The following DOCK4 variants were observed in gnomAD, a reference collection of about 807,000 sequenced individuals.
DOCK4 encodes the protein dedicator of cytokinesis 4.
Under a neutral mutation model 268.1 loss-of-function variants are expected in DOCK4, and 97 were observed. The observed-to-expected ratio is 0.36, with a 90% confidence interval of 0.31 to 0.43. The LOEUF (loss-of-function observed/expected upper bound fraction) is 0.43. Ranked by LOEUF, DOCK4 falls within the 20% of genes least tolerant of loss-of-function variation. The pLI is 1.00. For synonymous variants in DOCK4, 954 were observed against 887.2 expected (o/e 1.08, Z -1.34); for missense variants, 2,145 against 2,455.7 (o/e 0.87, Z 2.67).
chr7:111,960,888 CA>C (rs537420595), intron 8 of DOCK4, among the ~76,000 whole-genome samples: 81 of 152,218 alleles, frequency 5.3e-4, no homozygotes, highest in African/African-American at 1.8e-3. Context: ...AATAGTATTC[CA>C]AAGTGTATAT....
At chr7:112,129,796 C>T (rs941633792) in intron 1 of DOCK4, among the ~76,000 whole-genome samples, 3 of 152,114 alleles carry the variant, frequency 2.0e-5, no homozygotes, top group African/African-American at 7.2e-5. Context: ...GACAACATTC[C>T]TCCTTTTATG....
chr7:111,862,401 A>G (rs1255229633), intron 23 of DOCK4, among the ~76,000 whole-genome samples: 2 of 133,902 alleles, frequency 1.5e-5, no homozygotes, highest in African/African-American at 2.8e-5. Flanking sequence ...TTACAAGAAA[A>G]TATGTAAAAA....
At chr7:112,024,849 T>C (rs1247449625) in intron 1 of DOCK4, among the ~76,000 whole-genome samples, 1 of 152,230 alleles carries the variant, frequency 6.6e-6, no homozygotes, top group Non-Finnish European at 1.5e-5. Flanking sequence ...GGCCTGTTCT[T>C]GGTTGTGCAT....
chr7:111,739,457 G>A lies in DOCK4; in HGVS notation c.5061C>T (p.Ser1687=). The A allele has an allele frequency of 6.4e-7, 1 of 1,570,064 alleles. No individual in the cohort carries two copies. Residue 1687 remains serine (S), a synonymous_variant, in exon 48 of 53, where the codon AGC becomes AGT. Transcript: ENST00000428084. ...FNMQPSPSTS[S]LSSTHSASPN... Reference sequence around the variant, plus strand: ...GTGAAGCCGAGTGAGTAGAACTCAAGCTTGAGGTAGATGGACTTGGCTGGA... The same window carrying A: ...GTGAAGCCGAGTGAGTAGAACTCAAACTTGAGGTAGATGGACTTGGCTGGA...
At chr7:112,115,632 T>TCCA (rs1462184503) in intron 1 of DOCK4, among the ~76,000 whole-genome samples, 9 of 129,772 alleles carry the variant, frequency 6.9e-5, no homozygotes, top group African/African-American at 1.7e-4. Context: ...AATCCACCCA[T>TCCA]TCATCCATCC....
At position 112,129,736 on chromosome 7, in the gene DOCK4, A is replaced by G. The variant is rs73715473; in HGVS notation, c.37+76366T>C. Among the ~76,000 whole-genome samples, 510 of 152,270 alleles carry G rather than the reference A, an allele frequency of 3.3e-3. 3 individuals are homozygous for G. The highest frequency in any genetic ancestry group is 0.011 in the African/African-American group (476 of 41,544). On this transcript the variant is annotated intron_variant, in intron 1 of 52. Coordinates refer to ENST00000428084, the MANE Select transcript of DOCK4 (RefSeq NM_001363540.2). ...GTAAAAGAAAAAACAAAAGATCCCAAGCAGCTTTTTAGCTCATTCATATGT... is the reference window on the plus strand; with the variant it reads ...GTAAAAGAAAAAACAAAAGATCCCAGGCAGCTTTTTAGCTCATTCATATGT...
chr7:111,837,539 T>A (rs757150255), intron 25 of DOCK4, among the ~76,000 whole-genome samples: 1 of 152,176 alleles, frequency 6.6e-6, no homozygotes, highest in African/African-American at 2.4e-5. Context: ...CTGGAACTAA[T>A]TGAGTTTATT....
intron 52 of DOCK4, 137 bp from the exon 53 acceptor site, chr7:111,728,857 T>A: frequency 1.3e-6 from 1 of 770,436 alleles, no homozygotes; most frequent in Non-Finnish European, 2.0e-6. Flanking sequence ...ATGCAGCCTT[T>A]AAGGAGGTGA....
At chr7:111,890,772 G>T (rs1808224915) in intron 16 of DOCK4, among the ~76,000 whole-genome samples, 1 of 152,154 alleles carries the variant, frequency 6.6e-6, no homozygotes, top group African/African-American at 2.4e-5. Context: ...CCTAAATTAG[G>T]ATACTAATAG....
chr7:111,864,577 T>C (rs1158244665), intron 22 of DOCK4, among the ~76,000 whole-genome samples: 1 of 152,212 alleles, frequency 6.6e-6, no homozygotes, highest in Non-Finnish European at 1.5e-5. Flanking sequence ...AGAATTTTAG[T>C]ATTTATTTAT....
intron 17 of DOCK4, among the ~76,000 whole-genome samples, chr7:111,874,980 AAT>A (rs1352293082): frequency 6.6e-6 from 1 of 152,240 alleles, no homozygotes; most frequent in Non-Finnish European, 1.5e-5. Flanking sequence ...AAGAAAAATG[AAT>A]ACATAGCAAT....
intron 1 of DOCK4, among the ~76,000 whole-genome samples, chr7:112,168,975 A>T (rs1159615170): frequency 6.6e-6 from 1 of 152,272 alleles, no homozygotes; most frequent in South Asian, 2.1e-4. Flanking sequence ...ACTATTTGAT[A>T]TGGTTTGATT....
chr7:111,959,094 G>A (rs916192949), intron 8 of DOCK4, among the ~76,000 whole-genome samples: 1 of 152,146 alleles, frequency 6.6e-6, no homozygotes, highest in Non-Finnish European at 1.5e-5. Flanking sequence ...CAGAAAGCAG[G>A]AGTGCCTTTC....
At chr7:111,868,265 G>T in intron 21 of DOCK4, 111 bp from the exon 22 acceptor site, 1 of 821,502 alleles carries the variant, frequency 1.2e-6, no homozygotes, top group Non-Finnish European at 1.8e-6. Context: ...CATTATTCAT[G>T]TAGACACCAA....
chr7:111,974,285 CAAG>C (rs1294789866), intron 8 of DOCK4, among the ~76,000 whole-genome samples: 1 of 151,890 alleles, frequency 6.6e-6, no homozygotes, highest in Non-Finnish European at 1.5e-5. Flanking sequence ...TCAGAAACAC[CAAG>C]AAGATAAATC....
At chr7:111,831,820 T>A (rs1427528266) in intron 26 of DOCK4, among the ~76,000 whole-genome samples, 2 of 152,130 alleles carry the variant, frequency 1.3e-5, no homozygotes, top group African/African-American at 4.8e-5. Flanking sequence ...ACCAGACAGG[T>A]CTTTCTTCCC....
intron 47 of DOCK4, 121 bp from the exon 48 acceptor site, chr7:111,739,598 A>G: frequency 5.1e-6 from 4 of 784,838 alleles, no homozygotes; most frequent in East Asian, 2.7e-5. Context: ...GTTTAACAAT[A>G]TAGAAAATCT....
intron 32 of DOCK4, among the ~76,000 whole-genome samples, chr7:111,786,782 T>A (rs115034912): frequency 8.5e-5 from 13 of 152,226 alleles, no homozygotes; most frequent in Admixed American, 6.5e-5. Flanking sequence ...TACTAATTCA[T>A]TGTGATTTCT....
At chr7:111,840,809 A>G (rs746331769) in intron 25 of DOCK4, 1 of 1,345,690 alleles carries the variant, frequency 7.4e-7, no homozygotes, top group South Asian at 1.1e-5. Flanking sequence ...GTCTGCACAG[A>G]CTGAAAAGGT....
Sources: gnomAD v4.1 joint callset for allele counts (sites outside exome capture counted in the v4.1 genomes callset) on GRCh38, gnomAD v4.1.1 for gene constraint, MANE v1.5 for transcripts, NCBI Gene and HGNC (gene_info 2026-07-23, HGNC 2026-07-21) for gene names.